Variants in PCGF3 observed in about 807,000 individuals in gnomAD.
PCGF3 encodes the protein polycomb group ring finger 3.
In PCGF3, 7 loss-of-function variants were observed where a neutral mutation model predicts 33.1. The ratio of observed to expected loss-of-function variants is 0.21; its 90% confidence interval spans 0.12 to 0.40. PCGF3 has a LOEUF of 0.40. Ranked by LOEUF, PCGF3 falls within the 10% of genes least tolerant of loss-of-function variation. The pLI is 1.00. For synonymous variants in PCGF3, 153 were observed against 121.3 expected, an observed-to-expected ratio of 1.26 and a Z score of -1.72; for missense variants, 211 against 313.3, an observed-to-expected ratio of 0.67 and a Z score of 2.46.
Position 754,311 on chromosome 4 carries a change from C to T in PCGF3, c.463-6968C>T, listed in dbSNP as rs148415053. 1.9e-3 allele frequency among the ~76,000 whole-genome samples: 296 copies of T among 152,352 alleles called. 1 individual carries two copies. Among genetic ancestry groups the T allele is most frequent in the South Asian group, 0.013 (64 of 4,828 alleles). On this transcript the variant is annotated intron_variant, in intron 8 of 10. Coordinates refer to ENST00000362003, the Ensembl canonical transcript of PCGF3. ...GAGTTGTGCCTCCCTGGCCCACTGGCTCCTGTCCGCACCCTCGGGCACGCG... is the reference window on the plus strand; with the variant it reads ...GAGTTGTGCCTCCCTGGCCCACTGGTTCCTGTCCGCACCCTCGGGCACGCG...
In PCGF3 at chr4:721,236, A is replaced by G. The variant is rs1743063631; in HGVS notation, c.-189-9394A>G. On this transcript the variant is annotated intron_variant, in intron 1 of 10. Coordinates refer to ENST00000362003, the Ensembl canonical transcript of PCGF3. This position sits in a 1 kb window ranked among gnomAD's most constrained non-coding sequence, Gnocchi z 4.1. ...CAGTGAGGCTGTTCCACGGTGGCAC[A>G]GGACACGCCTGCAGCTTTGTGCCTG... is the stretch of plus-strand genomic sequence containing the variant. Among the ~76,000 whole-genome samples the G allele has an allele frequency of 6.6e-6, 1 of 152,194 alleles. No individual in the cohort carries two copies. Among genetic ancestry groups the G allele is most frequent in the Non-Finnish European group, 1.5e-5 (1 of 68,022 alleles).
At position 720,704 on chromosome 4, in the gene PCGF3, G is replaced by T. The variant is rs1743041731; in HGVS notation, c.-189-9926G>T. On this transcript the variant is annotated intron_variant, in intron 1 of 10. Coordinates refer to ENST00000362003, the Ensembl canonical transcript of PCGF3. This position sits in a 1 kb window ranked among gnomAD's most constrained non-coding sequence, Gnocchi z 5.6. ...GTGGACGGGCGGTGACGTGCGTGTG[G>T]ACCCGGCGTGGACGGGCGGTGACGT... Among the ~76,000 whole-genome samples, 9 of 151,038 alleles carry T rather than the reference G, an allele frequency of 6.0e-5. No individual in the cohort carries two copies. In the South Asian group the frequency reaches 1.9e-3, roughly 32 times the overall value.
At chr4:731,432 AGGCGGTC>A (rs1425709938) in intron 3 of PCGF3, 1 of 353,618 alleles carries the variant, frequency 2.8e-6, no homozygotes, top group Non-Finnish European at 5.1e-6. Flanking sequence ...GTGAGTTGTG[AGGCGGTC>A]GGCTAGCATC....
rs144513097 is a variant in PCGF3 at position 754,505 on chromosome 4, G to A, written c.463-6774G>A. On this transcript the variant is annotated intron_variant, in intron 8 of 10. Transcript: ENST00000362003. ...CAGAGCCCCTGGAGGTAGAAGGGGCGGAGGGTAGAAAGAGCCTCTCCTGGA... is the reference window on the plus strand; with the variant it reads ...CAGAGCCCCTGGAGGTAGAAGGGGCAGAGGGTAGAAAGAGCCTCTCCTGGA... Among the ~76,000 whole-genome samples, 754 of 152,346 alleles carry A rather than the reference G, an allele frequency of 4.9e-3. 4 individuals are homozygous for A. Among genetic ancestry groups the A allele is most frequent in the Non-Finnish European group, 8.0e-3 (547 of 68,032 alleles).
chr4:747,840 C>T (rs1443970207), intron 8 of PCGF3, among the ~76,000 whole-genome samples: 1 of 152,010 alleles, frequency 6.6e-6, no homozygotes, highest in East Asian at 1.9e-4. Context: ...CAGCCAGCAC[C>T]CAAGGGCTGC....
At chr4:715,060 CTGAG>C (rs1742750816) in intron 1 of PCGF3, among the ~76,000 whole-genome samples, 2 of 146,250 alleles carry the variant, frequency 1.4e-5, no homozygotes, top group Admixed American at 6.8e-5. Flanking sequence ...CCTGTAGACA[CTGAG>C]TGTGAGAACT....
chr4:760,891 C>T (rs553399133), intron 8 of PCGF3, among the ~76,000 whole-genome samples: 12 of 152,370 alleles, frequency 7.9e-5, no homozygotes, highest in South Asian at 2.1e-4. Flanking sequence ...TTCCTGCAGT[C>T]GCTGCTGTCT....
At chr4:734,535 G>C in intron 4 of PCGF3, 2 of 1,178,894 alleles carry the variant, frequency 1.7e-6, no homozygotes, top group South Asian at 3.2e-5. Context: ...TTTTATGTTA[G>C]GTTATTTTCA....
chr4:759,942 C>T (rs1334844879), intron 8 of PCGF3, among the ~76,000 whole-genome samples: 2 of 149,312 alleles, frequency 1.3e-5, no homozygotes, highest in African/African-American at 4.9e-5. Context: ...GACTCCGGGT[C>T]TTTCTCCCCA....
At chr4:755,009 G>A (rs1016469198) in intron 8 of PCGF3, among the ~76,000 whole-genome samples, 25 of 152,204 alleles carry the variant, frequency 1.6e-4, no homozygotes, top group Non-Finnish European at 2.2e-4. Flanking sequence ...CAGGCAGGCC[G>A]ATGTGTAGCC....
exon 11 of PCGF3, chr4:768,376 T>G (rs909151899): frequency 6.6e-6 from 1 of 152,308 alleles, no homozygotes; most frequent in Non-Finnish European, 1.5e-5. Context: ...CTGGGCGGCC[T>G]TCTTTCCTTT....
chr4:761,879 C>G, intron 9 of PCGF3: 3 of 985,410 alleles, frequency 3.0e-6, no homozygotes, highest in Non-Finnish European at 3.6e-6. Context: ...GCAGTGACAC[C>G]ATGGGGATGC....
In PCGF3 at chr4:720,131, G is replaced by T. The variant is rs12374317; in HGVS notation, c.-189-10499G>T. Among the ~76,000 whole-genome samples, 36,195 of 152,122 alleles carry T rather than the reference G, an allele frequency of 0.24. 4,954 individuals are homozygous for T. Among genetic ancestry groups the T allele is most frequent in the South Asian group, 0.36 (1,713 of 4,822 alleles). ...GATGGCCTTTCCCTCCTGAGTGACA[G>T]CCCTGGACGTGCTGTCGCCTCATGA... is the stretch of plus-strand genomic sequence containing the variant. On this transcript the variant is annotated intron_variant, in intron 1 of 10. Coordinates refer to ENST00000362003, the Ensembl canonical transcript of PCGF3. This position sits in a 1 kb window ranked among gnomAD's most constrained non-coding sequence, Gnocchi z 5.6.
chr4:737,814 G>T (rs77221077), intron 6 of PCGF3, among the ~76,000 whole-genome samples: 6,039 of 152,268 alleles, frequency 0.04, 160 homozygotes, highest in East Asian at 0.093. Context: ...CCAGGACCCT[G>T]CCTTCTTCCT....
exon 1 of PCGF3, chr4:705,916 C>G (rs528512876): frequency 5.3e-5 from 8 of 152,334 alleles, no homozygotes; most frequent in South Asian, 4.1e-4. Context: ...GCCCCCTCCC[C>G]CCTCCGGCGC....
At chr4:752,266 C>T (rs937802365) in intron 8 of PCGF3, among the ~76,000 whole-genome samples, 5 of 152,248 alleles carry the variant, frequency 3.3e-5, no homozygotes, top group Non-Finnish European at 7.3e-5. Flanking sequence ...GCAGTCCCTG[C>T]ATCTGCCACC....
intron 1 of PCGF3, among the ~76,000 whole-genome samples, chr4:729,030 G>C (rs1470486838): frequency 7.0e-6 from 1 of 142,522 alleles, no homozygotes; most frequent in Non-Finnish European, 1.5e-5. Context: ...AATCTGGAAA[G>C]TGGAGGTTAC....
intron 1 of PCGF3, among the ~76,000 whole-genome samples, chr4:729,165 AG>A (rs1403635610): frequency 6.7e-6 from 1 of 149,350 alleles, no homozygotes; most frequent in African/African-American, 2.5e-5. Flanking sequence ...CTGTAATCTC[AG>A]CACTTTGGGA....
intron 1 of PCGF3, among the ~76,000 whole-genome samples, chr4:708,148 G>T (rs887617942): frequency 3.9e-5 from 6 of 152,112 alleles, no homozygotes. Context: ...CCCTGAGACT[G>T]GACAGTGAGA....
Sources: gnomAD v4.1 joint callset for allele counts (sites outside exome capture counted in the v4.1 genomes callset) on GRCh38, gnomAD v4.1.1 for gene constraint, Gnocchi (gnomAD v3.1) non-coding constraint, MANE v1.5 for transcripts, NCBI Gene and HGNC (gene_info 2026-07-23, HGNC 2026-07-21) for gene names.